VPS26A: variants seen among roughly 807,000 people sequenced by gnomAD.
The protein encoded by VPS26A is VPS26 retromer complex component A, also known as vacuolar protein sorting-associated protein 26A.
VPS26A carries 22 observed loss-of-function variants against 42.4 expected under a neutral mutation model. That is an observed-to-expected ratio of 0.52 (90% CI 0.37 to 0.74). The LOEUF (loss-of-function observed/expected upper bound fraction) is 0.74, where lower values mean the gene tolerates loss of function less well. VPS26A is among the 30% of genes least tolerant of loss of function. VPS26A has a pLI of 0.00. For synonymous variants in VPS26A, 110 were observed against 123.5 expected (o/e 0.89, Z 0.73); for missense variants, 276 against 379.2 (o/e 0.73, Z 2.26).
intron 2 of VPS26A, among the ~76,000 whole-genome samples, chr10:69,150,546 T>TACC (rs1461288696): frequency 3.3e-5 from 5 of 151,830 alleles, no homozygotes; most frequent in Non-Finnish European, 5.9e-5. Context: ...TACAGGCGCC[T>TACC]GCCACCACAC....
chr10:69,154,557 A>G (rs1489832093), intron 2 of VPS26A, among the ~76,000 whole-genome samples: 3 of 151,876 alleles, frequency 2.0e-5, no homozygotes, highest in African/African-American at 7.3e-5. Context: ...AAGGAATTCT[A>G]TATAGATCTT....
At chr10:69,160,127 TACACACACACACACACACACACAC>T (rs71035066) in intron 5 of VPS26A, among the ~76,000 whole-genome samples, 3 of 148,348 alleles carry the variant, frequency 2.0e-5, no homozygotes, top group South Asian at 2.1e-4. Flanking sequence ...ACATAATTTT[TACACACACACACACACACACACAC>T]ACACACACAC....
chr10:69,151,272 A>AAAACAAAC lies in VPS26A; in HGVS notation c.154-4537_154-4536insCAAACAAA, dbSNP rs1201703879. Among the ~76,000 whole-genome samples the AAAACAAAC allele has an allele frequency of 3.1e-4, 25 of 81,662 alleles. 1 individual carries two copies. The highest frequency in any genetic ancestry group is 7.7e-4 in the African/African-American group (23 of 29,866). 53.6% of individuals were successfully genotyped at this position (81,662 alleles called of 152,430 possible). On this transcript the variant is annotated intron_variant, in intron 2 of 8. Coordinates refer to ENST00000263559, the MANE Select transcript of VPS26A (RefSeq NM_004896.5). Reference sequence around the variant, plus strand: ...AGAGTGAGACTCCATGTCAAAAAAAAAAAAAAAAAAACACACACACACACA... The same window carrying AAAACAAAC: ...AGAGTGAGACTCCATGTCAAAAAAAAAAACAAACAAAAAAAAAAACACACACACACACA...
intron 1 of VPS26A, among the ~76,000 whole-genome samples, chr10:69,128,996 CAAAAAAAAAAA>C (rs60820610): frequency 4.4e-5 from 3 of 68,396 alleles, no homozygotes; most frequent in East Asian, 4.2e-4. Flanking sequence ...GACTCTGTCT[CAAAAAAAAAAA>C]AAAAAAAAAA....
At chr10:69,139,023 A>G (rs1161352900) in intron 2 of VPS26A, among the ~76,000 whole-genome samples, 1 of 152,202 alleles carries the variant, frequency 6.6e-6, no homozygotes, top group Admixed American at 6.5e-5. Flanking sequence ...TATATACTTT[A>G]TGTGCTTCCT....
chr10:69,162,078 A>C (rs1007001229), intron 5 of VPS26A, among the ~76,000 whole-genome samples: 1 of 146,644 alleles, frequency 6.8e-6, no homozygotes. Flanking sequence ...TGCAGCCTTC[A>C]CCTGCTGGGT....
At chr10:69,163,766 CTTTTT>C (rs869154106) in intron 6 of VPS26A, among the ~76,000 whole-genome samples, 1 of 133,598 alleles carries the variant, frequency 7.5e-6, no homozygotes, top group Admixed American at 7.4e-5. Flanking sequence ...TTTCAGTTTT[CTTTTT>C]TTTTTTTTTT....
intron 6 of VPS26A, among the ~76,000 whole-genome samples, chr10:69,164,568 T>A (rs1227691744): frequency 6.6e-6 from 1 of 152,190 alleles, no homozygotes. Flanking sequence ...TTGTCTTGTT[T>A]GTGGTGGTTC....
chr10:69,125,028 G>A (rs1035277294), intron 1 of VPS26A, among the ~76,000 whole-genome samples: 4 of 152,190 alleles, frequency 2.6e-5, no homozygotes, highest in African/African-American at 7.2e-5. Context: ...ACTAGCCTGG[G>A]CATTGTGGTA....
intron 7 of VPS26A, among the ~76,000 whole-genome samples, chr10:69,167,122 G>A (rs1175689038): frequency 8.7e-5 from 4 of 46,196 alleles, no homozygotes; most frequent in African/African-American, 8.5e-5. Flanking sequence ...GTGAAACTCC[G>A]TCTCAAAAAA....
intron 8 of VPS26A, chr10:69,170,387 C>T (rs1484381046): frequency 6.6e-6 from 1 of 151,840 alleles, no homozygotes; most frequent in Non-Finnish European, 1.5e-5. Flanking sequence ...TGTTATTTCC[C>T]ATGTGCACTC....
intron 2 of VPS26A, among the ~76,000 whole-genome samples, chr10:69,142,110 C>G (rs1438529502): frequency 6.6e-6 from 1 of 151,008 alleles, no homozygotes; most frequent in South Asian, 2.1e-4. Context: ...GTCTCAATCT[C>G]TTGACCTCAT....
At chr10:69,144,995 C>A (rs1841123045) in intron 2 of VPS26A, among the ~76,000 whole-genome samples, 1 of 151,662 alleles carries the variant, frequency 6.6e-6, no homozygotes, top group Non-Finnish European at 1.5e-5. Context: ...AGATATTCTC[C>A]TGTTTTTTTT....
intron 2 of VPS26A, among the ~76,000 whole-genome samples, chr10:69,139,744 T>G (rs1479220238): frequency 1.3e-5 from 2 of 152,230 alleles, no homozygotes; most frequent in Non-Finnish European, 2.9e-5. Context: ...TTGGTTTTCT[T>G]CTTGATATCA....
At chr10:69,159,209 C>T (rs67502085) in intron 5 of VPS26A, among the ~76,000 whole-genome samples, 27,280 of 151,842 alleles carry the variant, frequency 0.18, 2,847 homozygotes, top group Non-Finnish European at 0.23. Flanking sequence ...GGAGAAACTC[C>T]GTCTCCACTG....
chr10:69,151,840 G>A (rs1841320785), intron 2 of VPS26A, among the ~76,000 whole-genome samples: 1 of 152,054 alleles, frequency 6.6e-6, no homozygotes. Context: ...TTTTCTATAT[G>A]CTTTGTTGGT....
At chr10:69,132,159 T>A (rs1255104253) in intron 1 of VPS26A, among the ~76,000 whole-genome samples, 1 of 152,212 alleles carries the variant, frequency 6.6e-6, no homozygotes, top group Non-Finnish European at 1.5e-5. Context: ...GTGTGAGTAC[T>A]TTGAATTGTG....
chr10:69,154,606 T>C (rs1841389458), intron 2 of VPS26A, among the ~76,000 whole-genome samples: 1 of 152,210 alleles, frequency 6.6e-6, no homozygotes. Context: ...CTCATGCCTG[T>C]AAGCCCAGCA....
At chr10:69,124,623 C>T (rs1298784941) in intron 1 of VPS26A, among the ~76,000 whole-genome samples, 3 of 152,212 alleles carry the variant, frequency 2.0e-5, no homozygotes, top group Non-Finnish European at 4.4e-5. Flanking sequence ...TAGCCAGTCC[C>T]TGTTCTCCTC....
Sources: gnomAD v4.1 joint callset for allele counts (sites outside exome capture counted in the v4.1 genomes callset) on GRCh38, gnomAD v4.1.1 for gene constraint, MANE v1.5 for transcripts, NCBI Gene and HGNC (gene_info 2026-07-23, HGNC 2026-07-21) for gene names.